RBCK1: variants seen among roughly 807,000 people sequenced by gnomAD.
RBCK1 encodes the protein ranBP-type and C3HC4-type zinc finger-containing protein 1.
In RBCK1, 44 loss-of-function variants were observed where a neutral mutation model predicts 71.1. The ratio of observed to expected loss-of-function variants is 0.62; its 90% CI spans 0.49 to 0.80. The LOEUF (loss-of-function observed/expected upper bound fraction) is 0.80, where lower values mean the gene tolerates loss of function less well. Ranked by LOEUF, RBCK1 falls within the 30% of genes least tolerant of loss-of-function variation. The probability of loss-of-function intolerance (pLI) is 0.00; values close to 1 mark genes in which losing one functional copy is unlikely to be tolerated. For missense variants in RBCK1, 569 were observed against 685.0 expected (o/e 0.83, Z 1.89); for synonymous variants, 306 against 279.7 (o/e 1.09, Z -0.94).
In RBCK1 at chr20:409,986, T is replaced by C; in HGVS notation, c.128T>C (p.Val43Ala). 1 of 1,614,166 alleles carries C rather than the reference T, an allele frequency of 6.2e-7. No individual in the cohort carries two copies. Among genetic ancestry groups the C allele is most frequent in the Non-Finnish European group, 8.5e-7 (1 of 1,180,028 alleles). Residue 43 changes from valine (V) to alanine (A), a missense_variant, in exon 2 of 12, where the codon GTG becomes GCG. Val to Ala is a moderately conservative substitution (Grantham distance 64, BLOSUM62 0). This residue lies in a region of RBCK1 where 358 missense variants were observed against 375.6 expected (regional missense o/e 0.95). Transcript: ENST00000356286. Reference sequence around the variant, plus strand: ...GCAGAGCAACGGGTGCCCCTGAGTGTGCAACTGAAGCCTGAGGTCTCCCCA... The same window carrying C: ...GCAGAGCAACGGGTGCCCCTGAGTGCGCAACTGAAGCCTGAGGTCTCCCCA... ...WLAEQRVPLS[V>A]QLKPEVSPTQ...
chr20:427,734 C>T (rs1443747565), intron 9 of RBCK1, among the ~76,000 whole-genome samples: 1 of 152,128 alleles, frequency 6.6e-6, no homozygotes, highest in African/African-American at 2.4e-5. Context: ...CACAATGGAG[C>T]CCCGACCCTG....
chr20:424,788 G>A (rs1209771645), intron 8 of RBCK1, among the ~76,000 whole-genome samples: 5 of 152,232 alleles, frequency 3.3e-5, no homozygotes, highest in Non-Finnish European at 7.3e-5. Context: ...CTTCCCTGGA[G>A]CCCACTGGAG....
At position 420,942 on chromosome 20, in the gene RBCK1, C is replaced by T. The variant is rs1170548056; in HGVS notation, c.828C>T (p.Asn276=). ...TGGACCAGAGGAGCCTGGTGCTGAA[C>T]ACGGAGCCCGCCGAGTGCCCCGTGT... The part of the protein sequence containing the change: ...VQLDQRSLVL[N]TEPAECPVCY... Residue 276 remains asparagine, a synonymous_variant, in exon 7 of 12, where the codon AAC becomes AAT. Transcript: ENST00000356286. 1 of 1,555,276 alleles carries T rather than the reference C, an allele frequency of 6.4e-7. No individual in the cohort carries two copies. The highest frequency in any genetic ancestry group is 1.4e-5 in the African/African-American group (1 of 73,168).
Position 428,889 on chromosome 20 carries a change from G to A in RBCK1, c.1309-62G>A, listed in dbSNP as rs903970162. 5.2e-6 allele frequency: 8 copies of A among 1,530,474 alleles called. No homozygotes were observed. Among genetic ancestry groups the A allele is most frequent in the Middle Eastern group, 4.7e-4 (2 of 4,220 alleles). The allele number at this position is 1,530,474 out of a possible 1,614,324, so 94.8% of individuals were successfully genotyped here. On this transcript the variant is annotated intron_variant, in intron 10 of 11. Transcript: ENST00000356286. This position sits in a 1 kb window ranked among gnomAD's most constrained non-coding sequence, Gnocchi z 5.7. ...GTCACCACCTTCTCCCTGCCATGGGGAGGGGCCAGGCTGGGTGACTGCCCC... is the reference window on the plus strand; with the variant it reads ...GTCACCACCTTCTCCCTGCCATGGGAAGGGGCCAGGCTGGGTGACTGCCCC...
At chr20:411,505 C>T (rs2015705671) in intron 2 of RBCK1, among the ~76,000 whole-genome samples, 1 of 152,166 alleles carries the variant, frequency 6.6e-6, no homozygotes, top group Admixed American at 6.5e-5. Context: ...GTAGCTGGGA[C>T]TACAGGCGCC....
chr20:411,342 T>G (rs2015692981), intron 2 of RBCK1, among the ~76,000 whole-genome samples: 1 of 152,156 alleles, frequency 6.6e-6, no homozygotes, highest in Non-Finnish European at 1.5e-5. Context: ...TAGCTGGGAC[T>G]ACTGGCATGT....
In RBCK1 at chr20:430,623, C is replaced by G. The variant is rs2016971856; in HGVS notation, c.*193C>G. On this transcript the variant is annotated 3_prime_UTR_variant, in exon 12 of 12. Transcript: ENST00000356286. This position sits in a 1 kb window ranked among gnomAD's most constrained non-coding sequence, Gnocchi z 5.6. ...TGGGGCTTGCCGGCCAGACTTCTCT[C>G]CCCTGCGGCTCCCACCTCTGCCTGA... 1 of 620,074 alleles carries G rather than the reference C, an allele frequency of 1.6e-6. No individual in the cohort carries two copies. The highest frequency in any genetic ancestry group is 2.9e-6 in the Non-Finnish European group (1 of 349,586). 38.4% of individuals were successfully genotyped at this position (620,074 alleles called of 1,614,324 possible). A position where few individuals can be genotyped will look rare whatever the true frequency, so the allele number is the denominator to read the frequency against.
At chr20:420,465 A>AG (rs11480357) in intron 6 of RBCK1, 446,055 of 983,110 alleles carry the variant, frequency 0.45, 102,159 homozygotes, top group African/African-American at 0.56. Context: ...CCTGACGTTG[A>AG]GTGGCTCCAC....
At position 428,655 on chromosome 20, in the gene RBCK1, C is replaced by T; in HGVS notation, c.1308+66C>T. ...CTGGGATCCAGGTGGGGGCTGGGGG[C>T]TTCCCAGTAAGGGCTGTGCTCACAC... is the stretch of plus-strand genomic sequence containing the variant. On this transcript the variant is annotated intron_variant, in intron 10 of 11. Transcript: ENST00000356286. The surrounding 1 kb of genome is among the most constrained non-coding windows in gnomAD (Gnocchi z 5.7). 1 of 1,486,496 alleles carries T rather than the reference C, an allele frequency of 6.7e-7. No individual in the cohort carries two copies. 92.1% of individuals were successfully genotyped at this position (1,486,496 alleles called of 1,614,324 possible). A position where few individuals can be genotyped will look rare whatever the true frequency, so the allele number is the denominator to read the frequency against.
Position 420,488 on chromosome 20 carries a change from G to A in RBCK1, c.757-383G>A, listed in dbSNP as rs891799966. On this transcript the variant is annotated intron_variant, in intron 6 of 11. Transcript: ENST00000356286. The stretch of plus-strand genomic sequence containing the variant: ...TGAGTGGCTCCACCAGCCCTGGCCC[G>A]GGCCCTGCCCTGCTACCTGACTCAC... 27 of 982,040 alleles carry A rather than the reference G, an allele frequency of 2.7e-5. No homozygotes were observed. The African/African-American group carries it at 3.4e-4, about 12-fold the overall frequency. 60.8% of individuals were successfully genotyped at this position (982,040 alleles called of 1,614,324 possible).
chr20:429,204 T>C (rs2016893895), intron 11 of RBCK1, 110 bp downstream of exon 11: 2 of 1,423,864 alleles, frequency 1.4e-6, no homozygotes, highest in South Asian at 3.0e-5. Flanking sequence ...GCACCTGAAT[T>C]TGTACAGCTC....
intron 8 of RBCK1, among the ~76,000 whole-genome samples, chr20:425,381 T>C (rs1051786428): frequency 3.9e-5 from 6 of 152,214 alleles, no homozygotes; most frequent in African/African-American, 7.2e-5. Flanking sequence ...ATTGTAAGTA[T>C]GCAGTCAGGT....
intron 11 of RBCK1, 28 bp downstream of exon 11, chr20:429,122 G>C: frequency 6.3e-7 from 1 of 1,596,826 alleles, no homozygotes; most frequent in Non-Finnish European, 8.5e-7. Flanking sequence ...GTGGTGTGGA[G>C]AGGGTGCCCT....
rs774223329 is a variant in RBCK1, at chr20:420,977, T to G, written c.863T>G (p.Val288Gly). The change falls in exon 7 of 12, where the codon GTG becomes GGG. Residue 288 changes from valine (V) to glycine (G), a missense_variant. Around this residue, in one of 2 missense-constraint regions of RBCK1, gnomAD observed 211 missense variants for 309.4 expected, o/e 0.68. Transcript: ENST00000356286. ...GCCGAGTGCCCCGTGTGCTACTCGG[T>G]GCTGGCGCCCGGCGAGGCCGTGGTG... ...EPAECPVCYS[V>G]LAPGEAVVLR... The G allele has an allele frequency of 6.4e-7, 1 of 1,562,914 alleles. No individual in the cohort carries two copies. The highest frequency in any genetic ancestry group is 1.2e-5 in the South Asian group (1 of 85,038).
At chr20:415,299 T>C (rs1051063074) in intron 2 of RBCK1, among the ~76,000 whole-genome samples, 5 of 152,046 alleles carry the variant, frequency 3.3e-5, no homozygotes, top group African/African-American at 9.7e-5. Context: ...GTCCAGGAGA[T>C]TGAAGCTGCA....
At chr20:427,629 G>A in intron 9 of RBCK1, 137 bp downstream of exon 9, 2 of 959,456 alleles carry the variant, frequency 2.1e-6, no homozygotes, top group Non-Finnish European at 3.1e-6. Flanking sequence ...ATGTCAGTGG[G>A]AGAGTGTGGC....
chr20:421,863 G>A, intron 7 of RBCK1: 1 of 482,306 alleles, frequency 2.1e-6, no homozygotes, highest in East Asian at 3.5e-5. Context: ...GATGGATGCA[G>A]GGAGCCCAGC....
intron 11 of RBCK1, 132 bp downstream of exon 11, chr20:429,226 A>ATTT: frequency 8.6e-5 from 86 of 1,002,520 alleles, no homozygotes; most frequent in East Asian, 1.7e-4. Context: ...CGAGGTAAGA[A>ATTT]TTTTTTTTTT....
In RBCK1 at chr20:409,853, A is replaced by T. The variant is rs770910595; in HGVS notation, c.23-28A>T. 1.9e-6 allele frequency: 3 copies of T among 1,607,048 alleles called. No homozygotes were observed. The East Asian group carries it at 6.7e-5, about 36-fold the overall frequency. ...AGCTCCTGAAAATAAACCCTGTGCTAACTGGCTCCTGCTGTACTGGCTTTC... is the reference window on the plus strand; with the variant it reads ...AGCTCCTGAAAATAAACCCTGTGCTTACTGGCTCCTGCTGTACTGGCTTTC... On this transcript the variant is annotated intron_variant, in intron 1 of 11. Coordinates refer to ENST00000356286, the MANE Select transcript of RBCK1 (RefSeq NM_031229.4).
Sources: gnomAD v4.1 joint callset for allele counts (sites outside exome capture counted in the v4.1 genomes callset) on GRCh38, gnomAD v4.1.1 for gene constraint, gnomAD v4.1.1 regional missense constraint, Gnocchi (gnomAD v3.1) non-coding constraint, MANE v1.5 for transcripts, NCBI Gene and HGNC (gene_info 2026-07-23, HGNC 2026-07-21) for gene names.